Variants in CSMD1 observed in about 807,000 individuals in gnomAD.
CSMD1 encodes the protein CUB and sushi domain-containing protein 1.
Under a neutral mutation model 417.5 loss-of-function variants are expected in CSMD1, and 213 were observed. The observed-to-expected ratio is 0.51, with a 90% CI of 0.46 to 0.57. The LOEUF (loss-of-function observed/expected upper bound fraction) is 0.57. Among genes scored for constraint, CSMD1 ranks in the 20% least tolerant of loss-of-function variants. CSMD1 has a pLI of 0.00. For missense variants in CSMD1, 6,923 were observed against 4,529.7 expected, an observed-to-expected ratio of 1.53 and a Z score of -15.17; for synonymous variants, 2,862 against 1,736.8, an observed-to-expected ratio of 1.65 and a Z score of -16.11.
chr8:3,586,721 T>C (rs1232881990), intron 8 of CSMD1, among the ~76,000 whole-genome samples: 2 of 152,188 alleles, frequency 1.3e-5, no homozygotes, highest in African/African-American at 4.8e-5. Flanking sequence ...CTATCACACA[T>C]GTTAATTATA....
At chr8:3,784,657 G>C (rs1212389385) in intron 5 of CSMD1, among the ~76,000 whole-genome samples, 1 of 152,168 alleles carries the variant, frequency 6.6e-6, no homozygotes, top group Non-Finnish European at 1.5e-5. Flanking sequence ...GTTTGGTTTG[G>C]AAATAAGGGA....
At chr8:4,265,888 C>T (rs1356116081) in intron 3 of CSMD1, among the ~76,000 whole-genome samples, 1 of 104,386 alleles carries the variant, frequency 9.6e-6, no homozygotes, top group Admixed American at 9.1e-5. Flanking sequence ...TAAAGATTCC[C>T]ACACAAATCC....
At chr8:4,976,410 T>G (rs1429825872) in intron 1 of CSMD1, among the ~76,000 whole-genome samples, 1 of 152,238 alleles carries the variant, frequency 6.6e-6, no homozygotes, top group African/African-American at 2.4e-5. Flanking sequence ...GGCATTTTAA[T>G]GAAATATAAA....
chr8:4,629,026 T>C (rs560286836), intron 2 of CSMD1, among the ~76,000 whole-genome samples: 1 of 152,200 alleles, frequency 6.6e-6, no homozygotes, highest in Non-Finnish European at 1.5e-5. Flanking sequence ...GTAATTTGTA[T>C]TGTAGAGCTA....
At chr8:4,232,872 C>G (rs1801826805) in intron 3 of CSMD1, among the ~76,000 whole-genome samples, 2 of 152,002 alleles carry the variant, frequency 1.3e-5, no homozygotes, top group African/African-American at 4.8e-5. Flanking sequence ...GGGCAACAAT[C>G]TTGAATAAGT....
rs563250929 is a variant in CSMD1 at position 4,961,086 on chromosome 8, G to A, written c.85+33246C>T. 7.9e-5 allele frequency among the ~76,000 whole-genome samples: 12 copies of A among 151,888 alleles called. No individual in the cohort carries two copies. In the East Asian group the frequency reaches 1.7e-3, roughly 22 times the overall value. ...ACACTTTGGAGTAAAATTAACAACG[G>A]GTGTTTACCTCATTAGGACTATAAA... On this transcript the variant is annotated intron_variant, in intron 1 of 69. Coordinates refer to ENST00000635120, the MANE Select transcript of CSMD1 (RefSeq NM_033225.6).
At chr8:3,894,406 T>C (rs1563186048) in intron 5 of CSMD1, among the ~76,000 whole-genome samples, 1 of 152,184 alleles carries the variant, frequency 6.6e-6, no homozygotes, top group Non-Finnish European at 1.5e-5. Flanking sequence ...CTTAGACATT[T>C]CCAAAGACCA....
At chr8:3,985,954 C>G (rs958790315) in intron 5 of CSMD1, among the ~76,000 whole-genome samples, 1 of 151,820 alleles carries the variant, frequency 6.6e-6, no homozygotes, top group Non-Finnish European at 1.5e-5. Context: ...TAATTCTAGC[C>G]TAAAAGTTTC....
At position 4,606,701 on chromosome 8, in the gene CSMD1, T is replaced by C. The variant is rs150404994; in HGVS notation, c.302+30641A>G. Among the ~76,000 whole-genome samples, 362 of 152,348 alleles carry C rather than the reference T, an allele frequency of 2.4e-3. 1 individual carries two copies. The highest frequency in any genetic ancestry group is 8.2e-3 in the African/African-American group (342 of 41,574). Reference sequence around the variant, plus strand: ...GACTTCTGTACATAATATTGTATTATTGATCTATCCTCCAGTTTGATAAAG... The same window carrying C: ...GACTTCTGTACATAATATTGTATTACTGATCTATCCTCCAGTTTGATAAAG... On this transcript the variant is annotated intron_variant, in intron 2 of 69. Coordinates refer to ENST00000635120, the MANE Select transcript of CSMD1 (RefSeq NM_033225.6).
At chr8:3,157,616 T>C (rs766852756) in intron 39 of CSMD1, among the ~76,000 whole-genome samples, 1 of 152,248 alleles carries the variant, frequency 6.6e-6, no homozygotes, top group Non-Finnish European at 1.5e-5. Context: ...ACTGGCCTTC[T>C]GACACACATG....
chr8:4,295,329 T>G (rs918882979), intron 3 of CSMD1, among the ~76,000 whole-genome samples: 2 of 124,500 alleles, frequency 1.6e-5, no homozygotes, highest in African/African-American at 2.6e-5. Context: ...TATGCACATA[T>G]AATCTTAAGA....
intron 6 of CSMD1, among the ~76,000 whole-genome samples, chr8:3,735,686 T>G (rs980313592): frequency 2.0e-5 from 3 of 152,200 alleles, no homozygotes; most frequent in Non-Finnish European, 4.4e-5. Flanking sequence ...TGGAGAGGCT[T>G]GCTATCAGGA....
chr8:3,449,128 TTGTAATACACTTAATCTTTGAGTTTGC>T, intron 12 of CSMD1, among the ~76,000 whole-genome samples: 1 of 152,222 alleles, frequency 6.6e-6, no homozygotes, highest in East Asian at 1.9e-4. Flanking sequence ...TGCAAAGCAC[TTGTAATACACTTAATCTTTGAGTTTGC>T]GTCTTGAAAT....
intron 10 of CSMD1, among the ~76,000 whole-genome samples, chr8:3,528,535 C>G (rs977110032): frequency 6.6e-6 from 1 of 152,142 alleles, no homozygotes; most frequent in Non-Finnish European, 1.5e-5. Context: ...AATCACATCT[C>G]ATTTCCATAA....
chr8:3,543,280 T>A (rs1281639282), intron 10 of CSMD1, among the ~76,000 whole-genome samples: 1 of 152,136 alleles, frequency 6.6e-6, no homozygotes, highest in Non-Finnish European at 1.5e-5. Flanking sequence ...ACAGAGGACA[T>A]CGGAGAACAT....
chr8:3,932,994 T>A lies in CSMD1; in HGVS notation c.818+64909A>T, dbSNP rs114925815. Reference sequence around the variant, plus strand: ...CTTTCTAATATCCTGAAAAACTTTTTAAATGTTTAACATTATAGAACAAGT... The same window carrying A: ...CTTTCTAATATCCTGAAAAACTTTTAAAATGTTTAACATTATAGAACAAGT... On this transcript the variant is annotated intron_variant, in intron 5 of 69. Transcript: ENST00000635120. 6.6e-3 allele frequency among the ~76,000 whole-genome samples: 985 copies of A among 150,036 alleles called. 74 individuals are homozygous for A. The highest frequency in any genetic ancestry group is 0.023 in the African/African-American group (954 of 40,736).
At chr8:3,650,160 T>C (rs1473355937) in intron 7 of CSMD1, among the ~76,000 whole-genome samples, 3 of 151,914 alleles carry the variant, frequency 2.0e-5, no homozygotes, top group African/African-American at 7.3e-5. Flanking sequence ...GTGTCTGTAA[T>C]CCCAGCTATT....
chr8:3,151,494 C>T lies in CSMD1; in HGVS notation c.5934G>A (p.Leu1978=). 2 of 1,612,772 alleles carry T rather than the reference C, an allele frequency of 1.2e-6. No individual in the cohort carries two copies. The highest frequency in any genetic ancestry group is 1.7e-6 in the Non-Finnish European group (2 of 1,179,366). The change falls in exon 40 of 70, where the codon CTG becomes CTA. Residue 1978 remains leucine, a synonymous_variant. Transcript: ENST00000635120. Reference sequence around the variant, plus strand: ...TCAGGATCACACCACCCAAGGTGCTCAGCGTCCCTCCACAGGTTGCTGTTA... The same window carrying T: ...TCAGGATCACACCACCCAAGGTGCTTAGCGTCCCTCCACAGGTTGCTGTTA... ...PLCIATCGGT[L]STLGGVILSP...
chr8:3,801,125 C>G (rs1039824474), intron 5 of CSMD1, among the ~76,000 whole-genome samples: 1 of 150,034 alleles, frequency 6.7e-6, no homozygotes, highest in South Asian at 2.1e-4. Context: ...TAAATTTTAC[C>G]GACATTAAAA....
Sources: allele counts gnomAD v4.1 joint callset (sites outside exome capture counted in the v4.1 genomes callset), GRCh38; gene constraint gnomAD v4.1.1; transcripts MANE v1.5; gene names NCBI Gene and HGNC (gene_info 2026-07-23, HGNC 2026-07-21).